RAB6A: variants seen among roughly 807,000 people sequenced by gnomAD.
RAB6A encodes the protein ras-related protein Rab-6A.
Under a neutral mutation model 32.3 loss-of-function variants are expected in RAB6A, and 8 were observed. That is an observed-to-expected ratio of 0.25 (90% CI 0.15 to 0.45). RAB6A has a LOEUF of 0.45. Among genes scored for constraint, RAB6A ranks in the 20% least tolerant of loss-of-function variants. RAB6A has a pLI of 1.00. For synonymous variants in RAB6A, 73 were observed against 82.1 expected (o/e 0.89, Z 0.60); for missense variants, 104 against 249.4 (o/e 0.42, Z 3.93).
intron 6 of RAB6A, among the ~76,000 whole-genome samples, chr11:73,687,227 G>C (rs551846228): frequency 6.6e-6 from 1 of 152,186 alleles, no homozygotes; most frequent in South Asian, 2.1e-4. Context: ...CTGGGGGAAG[G>C]GGGAAATAAG....
rs1208830890 is a variant in RAB6A at position 73,722,135 on chromosome 11, C to G, written c.130-1236G>C. On this transcript the variant is annotated intron_variant, in intron 2 of 7. Coordinates refer to ENST00000336083, the MANE Select transcript of RAB6A (RefSeq NM_198896.2). The stretch of plus-strand genomic sequence containing the variant: ...CTCTTTCCTTTATAAATTACCCAGT[C>G]TTGGGTTATCTCTTTATTAGCAGCA... Among the ~76,000 whole-genome samples, 3 of 149,654 alleles carry G rather than the reference C, an allele frequency of 2.0e-5. No homozygotes were observed. The East Asian group carries it at 5.8e-4, about 29-fold the overall frequency.
chr11:73,712,956 G>C (rs1270480405), intron 5 of RAB6A, among the ~76,000 whole-genome samples: 1 of 151,826 alleles, frequency 6.6e-6, no homozygotes, highest in Non-Finnish European at 1.5e-5. Flanking sequence ...GGCATCAAGT[G>C]ATCTGCCTGC....
intron 1 of RAB6A, among the ~76,000 whole-genome samples, chr11:73,757,112 TA>T: frequency 2.4e-5 from 1 of 42,154 alleles, no homozygotes; most frequent in Non-Finnish European, 4.7e-5. Context: ...TATATATATA[TA>T]TATATATATA....
chr11:73,748,174 G>C (rs991915410), intron 1 of RAB6A, among the ~76,000 whole-genome samples: 6 of 152,194 alleles, frequency 3.9e-5, no homozygotes, highest in Non-Finnish European at 7.4e-5. Flanking sequence ...TTGTTAATTG[G>C]AATTCTTTTA....
At chr11:73,711,548 A>C (rs929685499) in intron 5 of RAB6A, among the ~76,000 whole-genome samples, 17 of 152,212 alleles carry the variant, frequency 1.1e-4, no homozygotes, top group African/African-American at 3.9e-4. Flanking sequence ...AGATATTACA[A>C]ATAGTGCTAG....
At chr11:73,743,182 G>A (rs1307375343) in intron 1 of RAB6A, among the ~76,000 whole-genome samples, 3 of 151,514 alleles carry the variant, frequency 2.0e-5, no homozygotes, top group Non-Finnish European at 4.4e-5. Flanking sequence ...GTGGGCACCT[G>A]TAATCCCAGC....
In RAB6A at chr11:73,718,553, T is replaced by C. The variant is rs12285427; in HGVS notation, c.289+60A>G. On this transcript the variant is annotated intron_variant, in intron 4 of 7. Coordinates refer to ENST00000336083, the MANE Select transcript of RAB6A (RefSeq NM_198896.2). ...GGAAAACAAGCACAAGACAAGAACA[T>C]GCATGCAGCTAAGCTAAAGGTTGAA... 2.5e-3 allele frequency: 3,439 copies of C among 1,359,778 alleles called. 40 individuals carry two copies. The African/African-American group carries it at 0.035, about 14-fold the overall frequency. The allele number at this position is 1,359,778 out of a possible 1,614,324, so 84.2% of individuals were successfully genotyped here. A position where few individuals can be genotyped will look rare whatever the true frequency, so the allele number is the denominator to read the frequency against.
intron 6 of RAB6A, among the ~76,000 whole-genome samples, chr11:73,698,108 C>T (rs1780555612): frequency 6.6e-6 from 1 of 152,146 alleles, no homozygotes; most frequent in Admixed American, 6.6e-5. Flanking sequence ...ATAATCCCAG[C>T]TATTCAGTAG....
At position 73,679,475 on chromosome 11, in the gene RAB6A, A is replaced by G. The variant is rs896616665; in HGVS notation, c.562+179T>C. 3.7e-4 allele frequency among the ~76,000 whole-genome samples: 56 copies of G among 152,152 alleles called. 1 individual carries two copies. Among genetic ancestry groups the G allele is most frequent in the Admixed American group, 1.1e-3 (17 of 15,270 alleles). On this transcript the variant is annotated intron_variant, in intron 7 of 7. Coordinates refer to ENST00000336083, the MANE Select transcript of RAB6A (RefSeq NM_198896.2). ...TGATTAACAACGAGAAGCAGGCTGC[A>G]AAGGGTGCACTTGGATAACCAGACC...
chr11:73,684,167 T>TG (rs777133691), intron 6 of RAB6A, among the ~76,000 whole-genome samples: 2 of 77,480 alleles, frequency 2.6e-5, no homozygotes, highest in Non-Finnish European at 5.7e-5. Context: ...CATACATTGT[T>TG]GTTTTTTTTT....
intron 6 of RAB6A, among the ~76,000 whole-genome samples, chr11:73,692,495 T>G (rs1245844291): frequency 4.0e-5 from 4 of 100,130 alleles, no homozygotes; most frequent in Non-Finnish European, 7.5e-5. Flanking sequence ...AGAGTGAGAC[T>G]CTGTCTCAAA....
rs1946683298 is a variant in RAB6A at position 73,752,469 on chromosome 11, C to G, written c.70+8097G>C. Reference sequence around the variant, plus strand: ...AGATTCTGTCTCAAAAAAACAAAAACACAGATGCTACAGAAAGGAACATTC... The same window carrying G: ...AGATTCTGTCTCAAAAAAACAAAAAGACAGATGCTACAGAAAGGAACATTC... On this transcript the variant is annotated intron_variant, in intron 1 of 7. Coordinates refer to ENST00000336083, the MANE Select transcript of RAB6A (RefSeq NM_198896.2). Among the ~76,000 whole-genome samples, 4 of 151,544 alleles carry G rather than the reference C, an allele frequency of 2.6e-5. No individual in the cohort carries two copies. In the South Asian group the frequency reaches 6.3e-4, roughly 24 times the overall value.
intron 4 of RAB6A, 63 bp downstream of exon 4, chr11:73,718,550 A>G (rs1476683768): frequency 1.5e-6 from 2 of 1,334,676 alleles, no homozygotes; most frequent in Non-Finnish European, 2.1e-6. Flanking sequence ...CAAGACAAGA[A>G]CATGCATGCA....
At chr11:73,727,313 CT>C (rs1389718630) in intron 2 of RAB6A, among the ~76,000 whole-genome samples, 1 of 151,554 alleles carries the variant, frequency 6.6e-6, no homozygotes, top group Non-Finnish European at 1.5e-5. Flanking sequence ...GTAGTCCCAG[CT>C]ACTTAGGAGG....
chr11:73,743,577 G>C (rs1329015704), intron 1 of RAB6A, among the ~76,000 whole-genome samples: 1 of 151,896 alleles, frequency 6.6e-6, no homozygotes, highest in Non-Finnish European at 1.5e-5. Context: ...CAGTGAGACA[G>C]GATCACTGCA....
chr11:73,749,150 G>A (rs1323153081), intron 1 of RAB6A, among the ~76,000 whole-genome samples: 6 of 151,956 alleles, frequency 3.9e-5, no homozygotes, highest in Non-Finnish European at 8.8e-5. Flanking sequence ...AAGAAATGTG[G>A]TATACATCTA....
intron 6 of RAB6A, among the ~76,000 whole-genome samples, chr11:73,684,357 CAG>C (rs925053403): frequency 1.7e-4 from 26 of 152,148 alleles, no homozygotes; most frequent in Admixed American, 5.2e-4. Context: ...TTAGTAGAGA[CAG>C]GGGTTCATTG....
chr11:73,681,872 A>C (rs76151897), intron 6 of RAB6A, among the ~76,000 whole-genome samples: 2,378 of 152,288 alleles, frequency 0.016, 70 homozygotes, highest in African/African-American at 0.055. Flanking sequence ...GGTAGACAAA[A>C]GCCTGATAGG....
chr11:73,705,781 A>AGAGAGAGAGT (rs1443225497), intron 6 of RAB6A, among the ~76,000 whole-genome samples: 1 of 151,232 alleles, frequency 6.6e-6, no homozygotes, highest in Non-Finnish European at 1.5e-5. Context: ...AGAGAGAGAG[A>AGAGAGAGAGT]GAGAGAGAGA....
Sources: allele counts gnomAD v4.1 joint callset (sites outside exome capture counted in the v4.1 genomes callset), GRCh38; gene constraint gnomAD v4.1.1; transcripts MANE v1.5; gene names NCBI Gene and HGNC (gene_info 2026-07-23, HGNC 2026-07-21).